RIGI: variants seen among roughly 807,000 people sequenced by gnomAD.
RIGI encodes antiviral innate immune response receptor RIG-I.
chr9:32,466,184 TTGTAA>T, the RIGI span: 12 of 1,169,700 alleles, frequency 1.0e-5, no homozygotes, highest in East Asian at 1.5e-4. Flanking sequence ...AAACTTTTTG[TTGTAA>T]TATAACACTC....
At chr9:32,525,391 T>G in the RIGI span, among the ~76,000 whole-genome samples, 1 of 152,248 alleles carries the variant, frequency 6.6e-6, no homozygotes, top group South Asian at 2.1e-4. Context: ...CATCGATATC[T>G]TTTAAGTACC....
chr9:32,456,021 A>T, the RIGI span: 1 of 152,184 alleles, frequency 6.6e-6, no homozygotes, highest in Non-Finnish European at 1.5e-5. Context: ...AGGAAACCGC[A>T]AACTAAGCTC....
At chr9:32,487,799 G>T in the RIGI span, 1 of 1,272,284 alleles carries the variant, frequency 7.9e-7, no homozygotes, top group Non-Finnish European at 1.1e-6. Context: ...GTGAACAAAT[G>T]AATAAAGGAA....
At chr9:32,466,464 G>T in the RIGI span, 196,324 of 1,571,166 alleles carry the variant, frequency 0.12, 13,552 homozygotes, top group Middle Eastern at 0.22. Context: ...AAATATTTTA[G>T]TTGGTGTTTT....
At chr9:32,464,099 G>A in the RIGI span, among the ~76,000 whole-genome samples, 1 of 151,624 alleles carries the variant, frequency 6.6e-6, no homozygotes, top group Non-Finnish European at 1.5e-5. Flanking sequence ...CACAGACAAT[G>A]GACAGTACAG....
the RIGI span, among the ~76,000 whole-genome samples, chr9:32,521,533 C>T: frequency 1.3e-5 from 2 of 152,160 alleles, no homozygotes; most frequent in African/African-American, 2.4e-5. Context: ...ATCTTTGATA[C>T]TGACAGACTT....
the RIGI span, chr9:32,481,260 T>C: frequency 7.1e-7 from 1 of 1,405,680 alleles, no homozygotes; most frequent in Non-Finnish European, 9.7e-7. Flanking sequence ...GGATGAGAAG[T>C]TGATGTTATC....
chr9:32,508,239 A>ATTTTTTTTTTTTTTTTTTTTTTTT, the RIGI span, among the ~76,000 whole-genome samples: 5,814 of 70,068 alleles, frequency 0.083, 1,724 homozygotes, highest in Non-Finnish European at 0.12. Flanking sequence ...TATTTACTTA[A>ATTTTTTTTTTTTTTTTTTTTTTTT]TTTTTTTTTT....
the RIGI span, among the ~76,000 whole-genome samples, chr9:32,495,816 C>T: frequency 4.9e-3 from 748 of 152,156 alleles, 5 homozygotes; most frequent in African/African-American, 0.017. Flanking sequence ...TGTGACACCA[C>T]GCCCAGCTAT....
At chr9:32,505,667 G>A in the RIGI span, among the ~76,000 whole-genome samples, 20,452 of 152,136 alleles carry the variant, frequency 0.13, 1,450 homozygotes, top group Middle Eastern at 0.29. Flanking sequence ...TTTTAAATAA[G>A]TAAGATTTAA....
chr9:32,497,447 C>A, the RIGI span, among the ~76,000 whole-genome samples: 3 of 152,114 alleles, frequency 2.0e-5, no homozygotes, highest in East Asian at 1.9e-4. Flanking sequence ...GGGTTTTCTA[C>A]ATATAAGATT....
the RIGI span, among the ~76,000 whole-genome samples, chr9:32,503,542 A>T: frequency 6.6e-6 from 1 of 152,120 alleles, no homozygotes; most frequent in African/African-American, 2.4e-5. Context: ...ACTACTGACT[A>T]AAGTACTTAC....
chr9:32,502,642 G>A, the RIGI span, among the ~76,000 whole-genome samples: 2 of 152,218 alleles, frequency 1.3e-5, no homozygotes, highest in Non-Finnish European at 2.9e-5. Context: ...CCAGAATTGT[G>A]AATCATGGTG....
At chr9:32,484,102 A>G in the RIGI span, among the ~76,000 whole-genome samples, 32 of 152,324 alleles carry the variant, frequency 2.1e-4, 1 homozygote, top group South Asian at 6.4e-3. Context: ...AAGTAGTAGA[A>G]TATAACATTG....
the RIGI span, among the ~76,000 whole-genome samples, chr9:32,494,792 G>C: frequency 6.6e-6 from 1 of 151,992 alleles, no homozygotes; most frequent in Non-Finnish European, 1.5e-5. Context: ...TTTTGTGACT[G>C]GCTTATTTCA....
At chr9:32,476,949 C>A in the RIGI span, 3 of 1,566,122 alleles carry the variant, frequency 1.9e-6, no homozygotes, top group East Asian at 4.5e-5. Flanking sequence ...AGTGCTGGGT[C>A]CATTTGTTAT....
the RIGI span, among the ~76,000 whole-genome samples, chr9:32,516,375 T>C: frequency 6.6e-6 from 1 of 152,220 alleles, no homozygotes. Context: ...GCTTTCTGTG[T>C]GGCTACCAGG....
chr9:32,469,947 G>A, the RIGI span, among the ~76,000 whole-genome samples: 1 of 152,266 alleles, frequency 6.6e-6, no homozygotes, highest in African/African-American at 2.4e-5. Flanking sequence ...TACCTAGCTG[G>A]CAGTGGACTC....
the RIGI span, among the ~76,000 whole-genome samples, chr9:32,460,805 T>C: frequency 6.6e-6 from 1 of 151,912 alleles, no homozygotes; most frequent in African/African-American, 2.4e-5. Context: ...CAAGGACCCG[T>C]AGGACTATAA....
Sources: gnomAD v4.1 joint callset for allele counts (sites outside exome capture counted in the v4.1 genomes callset) on GRCh38, gnomAD v4.1.1 for gene constraint, MANE v1.5 for transcripts, NCBI Gene and HGNC (gene_info 2026-07-23, HGNC 2026-07-21) for gene names.